CDH4: variants seen among roughly 807,000 people sequenced by gnomAD.
CDH4 encodes the protein cadherin-4.
Under a neutral mutation model 86.0 loss-of-function variants are expected in CDH4, and 33 were observed. The ratio of observed to expected loss-of-function variants is 0.38; its 90% CI spans 0.29 to 0.51. The LOEUF (loss-of-function observed/expected upper bound fraction) is 0.51. CDH4 is among the 20% of genes least tolerant of loss of function. CDH4 has a pLI of 0.86. For missense variants in CDH4, 1,114 were observed against 1,307.4 expected (o/e 0.85, Z 2.28); for synonymous variants, 555 against 549.4 (o/e 1.01, Z -0.14).
At chr20:61,865,092 C>T (rs1983488105) in intron 6 of CDH4, among the ~76,000 whole-genome samples, 1 of 152,156 alleles carries the variant, frequency 6.6e-6, no homozygotes, top group Non-Finnish European at 1.5e-5. Context: ...CTGGCCTCTC[C>T]CTGTGCTCCC....
chr20:61,476,695 C>T (rs2085538334), intron 2 of CDH4, among the ~76,000 whole-genome samples: 1 of 152,200 alleles, frequency 6.6e-6, no homozygotes, highest in Non-Finnish European at 1.5e-5. Context: ...CTGGGCGAGA[C>T]CAGCCAGTGA....
At chr20:61,830,554 C>A (rs1600694806) in intron 4 of CDH4, among the ~76,000 whole-genome samples, 2 of 152,300 alleles carry the variant, frequency 1.3e-5, no homozygotes, top group Middle Eastern at 3.4e-3. Context: ...CTGACAGGAA[C>A]CCCAGGAGAT....
chr20:61,754,814 G>A lies in CDH4; in HGVS notation c.396+11025G>A, dbSNP rs1215767003. On this transcript the variant is annotated intron_variant, in intron 3 of 15. Transcript: ENST00000614565. This position sits in a 1 kb window ranked among gnomAD's most constrained non-coding sequence, Gnocchi z 4.7. ...TGCACGCCACACACACCACACACAC[G>A]ATGCATGCCACACACCACACACATG... Among the ~76,000 whole-genome samples the A allele has an allele frequency of 7.7e-6, 1 of 129,860 alleles. No homozygotes were observed. The highest frequency in any genetic ancestry group is 1.6e-5 in the Non-Finnish European group (1 of 61,258). 85.2% of individuals were successfully genotyped at this position (129,860 alleles called of 152,430 possible). A position where few individuals can be genotyped will look rare whatever the true frequency, so the allele number is the denominator to read the frequency against.
intron 2 of CDH4, among the ~76,000 whole-genome samples, chr20:61,685,690 C>T (rs889001714): frequency 6.6e-6 from 1 of 152,250 alleles, no homozygotes; most frequent in African/African-American, 2.4e-5. Flanking sequence ...TGAGACTGTC[C>T]TCAGACCCCT....
At position 61,789,459 on chromosome 20, in the gene CDH4, C is replaced by T. The variant is rs148403284; in HGVS notation, c.576+16277C>T. Among the ~76,000 whole-genome samples the T allele has an allele frequency of 9.7e-3, 1,482 of 152,232 alleles. 13 individuals carry two copies. Among genetic ancestry groups the T allele is most frequent in the Non-Finnish European group, 0.015 (1,023 of 68,026 alleles). ...GGGGCGGTGCCTGGGCTGGCACCCA[C>T]GGGATAGGAGGGGCCAGCAGTCACA... On this transcript the variant is annotated intron_variant, in intron 4 of 15. Coordinates refer to ENST00000614565, the MANE Select transcript of CDH4 (RefSeq NM_001794.5).
chr20:61,786,183 G>A (rs189566579), intron 4 of CDH4, among the ~76,000 whole-genome samples: 7 of 152,092 alleles, frequency 4.6e-5, no homozygotes, highest in African/African-American at 9.7e-5. Context: ...GTCTCCTTCC[G>A]CAGCAAAACA....
intron 2 of CDH4, among the ~76,000 whole-genome samples, chr20:61,339,142 T>C (rs957052219): frequency 2.6e-5 from 4 of 152,218 alleles, no homozygotes; most frequent in African/African-American, 4.8e-5. Flanking sequence ...GACAAAATGG[T>C]ATTGTTTATA....
chr20:61,284,382 C>T (rs2084281947), intron 2 of CDH4, among the ~76,000 whole-genome samples: 1 of 152,118 alleles, frequency 6.6e-6, no homozygotes, highest in Admixed American at 6.6e-5. Flanking sequence ...GCGTTTTCTA[C>T]TGAGGGTGGT....
At chr20:61,471,638 G>A (rs1664309980) in intron 2 of CDH4, among the ~76,000 whole-genome samples, 1 of 151,664 alleles carries the variant, frequency 6.6e-6, no homozygotes, top group Admixed American at 6.6e-5. Context: ...GTTGATATAG[G>A]TGCTTATAGC....
Position 61,623,447 on chromosome 20 carries a change from T to C in CDH4, c.170-120116T>C, listed in dbSNP as rs2086797017. Among the ~76,000 whole-genome samples the C allele has an allele frequency of 6.6e-6, 1 of 152,192 alleles. No homozygotes were observed. Among genetic ancestry groups the C allele is most frequent in the Non-Finnish European group, 1.5e-5 (1 of 68,040 alleles). On this transcript the variant is annotated intron_variant, in intron 2 of 15. Transcript: ENST00000614565. The surrounding 1 kb of genome is among the most constrained non-coding windows in gnomAD (Gnocchi z 4.4). ...CTAATTTCACATTGTCTTCTTTATA[T>C]AGATTACACCTTCCAAAGCCTTCAG...
chr20:61,252,577 T>G lies in CDH4; in HGVS notation c.57+7T>G. On this transcript the variant is annotated splice_region_variant and intron_variant, in intron 1 of 15. Coordinates refer to ENST00000614565, the MANE Select transcript of CDH4 (RefSeq NM_001794.5). The surrounding 1 kb of genome is among the most constrained non-coding windows in gnomAD (Gnocchi z 4.4). ...GCTCTCCGGCGCGCTCCGGGTAAGT[T>G]GCCGCCTCCCGCCCCCGCCGTTCGG... 4 of 1,202,264 alleles carry G rather than the reference T, an allele frequency of 3.3e-6. No individual in the cohort carries two copies. The highest frequency in any genetic ancestry group is 4.1e-6 in the Non-Finnish European group (4 of 968,886). The allele number at this position is 1,202,264 out of a possible 1,614,324, so 74.5% of individuals were successfully genotyped here.
At chr20:61,383,196 T>C (rs2084916217) in intron 2 of CDH4, among the ~76,000 whole-genome samples, 1 of 100,828 alleles carries the variant, frequency 9.9e-6, no homozygotes, top group South Asian at 2.6e-4. Context: ...TATATGAATA[T>C]ATTTATATAT....
At chr20:61,721,564 T>TA (rs1372596697) in intron 2 of CDH4, among the ~76,000 whole-genome samples, 3 of 152,214 alleles carry the variant, frequency 2.0e-5, no homozygotes, top group African/African-American at 7.2e-5. Context: ...ACTGCTATCT[T>TA]AAAAAACAAT....
intron 2 of CDH4, among the ~76,000 whole-genome samples, chr20:61,553,940 G>A (rs780622977): frequency 6.6e-6 from 1 of 152,176 alleles, no homozygotes; most frequent in Non-Finnish European, 1.5e-5. Context: ...ATAATTTACA[G>A]CATTGTGGTA....
chr20:61,421,939 C>T (rs2085179912), intron 2 of CDH4, among the ~76,000 whole-genome samples: 1 of 152,198 alleles, frequency 6.6e-6, no homozygotes, highest in Non-Finnish European at 1.5e-5. Flanking sequence ...CCTTCCTCAC[C>T]ACGCAAGCCT....
chr20:61,273,447 AGTTTGGGGGAGG>A (rs1568776191), intron 2 of CDH4, among the ~76,000 whole-genome samples: 8 of 58,346 alleles, frequency 1.4e-4, no homozygotes, highest in Non-Finnish European at 1.2e-4. Flanking sequence ...GACCATGTGC[AGTTTGGGGGAGG>A]ACCATGTGCA....
At chr20:61,863,649 G>A (rs1330441166) in intron 6 of CDH4, among the ~76,000 whole-genome samples, 1 of 152,166 alleles carries the variant, frequency 6.6e-6, no homozygotes, top group African/African-American at 2.4e-5. Context: ...GTGGGGACAC[G>A]GGGATCCAGG....
chr20:61,549,987 C>T (rs551530004), intron 2 of CDH4, among the ~76,000 whole-genome samples: 1 of 152,288 alleles, frequency 6.6e-6, no homozygotes, highest in South Asian at 2.1e-4. Flanking sequence ...CCACTGGCAC[C>T]CATCCTCCCC....
At chr20:61,383,430 A>AT (rs2084922612) in intron 2 of CDH4, among the ~76,000 whole-genome samples, 1 of 87,282 alleles carries the variant, frequency 1.1e-5, no homozygotes, top group African/African-American at 5.0e-5. Context: ...TATGATATAT[A>AT]TCATATATGA....
Sources: allele counts gnomAD v4.1 joint callset (sites outside exome capture counted in the v4.1 genomes callset), GRCh38; gene constraint gnomAD v4.1.1; non-coding constraint Gnocchi (gnomAD v3.1); transcripts MANE v1.5; gene names NCBI Gene and HGNC (gene_info 2026-07-23, HGNC 2026-07-21).